Variants in BNC2 observed in about 807,000 individuals in gnomAD.
BNC2 encodes the protein basonuclin zinc finger protein 2, also known as zinc finger protein basonuclin-2.
In BNC2, 20 loss-of-function variants were observed where a neutral mutation model predicts 76.3. The ratio of observed to expected loss-of-function variants is 0.26; its 90% CI spans 0.18 to 0.38. The LOEUF (loss-of-function observed/expected upper bound fraction) is 0.38. Among genes scored for constraint, BNC2 ranks in the 10% least tolerant of loss-of-function variants. BNC2 has a pLI of 1.00. For synonymous variants in BNC2, 582 were observed against 514.8 expected (o/e 1.13, Z -1.77); for missense variants, 1,382 against 1,399.8 (o/e 0.99, Z 0.20).
chr9:16,834,268 TA>T (rs1358591791), intron 1 of BNC2, among the ~76,000 whole-genome samples: 1 of 152,184 alleles, frequency 6.6e-6, no homozygotes, highest in African/African-American at 2.4e-5. Context: ...ACTATACTAA[TA>T]AAAAATTCAG....
At chr9:16,828,434 T>C (rs1246263771) in intron 1 of BNC2, among the ~76,000 whole-genome samples, 3 of 152,230 alleles carry the variant, frequency 2.0e-5, no homozygotes, top group Non-Finnish European at 2.9e-5. Context: ...AAATTAATAC[T>C]GTCTCTTTAA....
chr9:16,547,348 G>T (rs1233833198), intron 5 of BNC2, among the ~76,000 whole-genome samples: 2 of 152,146 alleles, frequency 1.3e-5, no homozygotes, highest in African/African-American at 4.8e-5. Flanking sequence ...AGGAAGCCTG[G>T]AGAAAAAACT....
At chr9:16,538,083 C>G (rs996797693) in intron 5 of BNC2, among the ~76,000 whole-genome samples, 1 of 151,990 alleles carries the variant, frequency 6.6e-6, no homozygotes, top group African/African-American at 2.4e-5. Flanking sequence ...AAATATGAAC[C>G]TTAGCAATCA....
intron 2 of BNC2, among the ~76,000 whole-genome samples, chr9:16,734,699 A>G (rs966363298): frequency 2.6e-5 from 4 of 152,222 alleles, no homozygotes; most frequent in East Asian, 1.9e-4. Flanking sequence ...GTGTTTACAC[A>G]TAAGAACATG....
chr9:16,529,502 T>C (rs1046910916), intron 5 of BNC2, among the ~76,000 whole-genome samples: 5 of 152,292 alleles, frequency 3.3e-5, no homozygotes, highest in Non-Finnish European at 5.9e-5. Context: ...ATTACTTTCA[T>C]AATCAAAAAC....
At chr9:16,646,322 C>G (rs1380099679) in intron 3 of BNC2, among the ~76,000 whole-genome samples, 1 of 152,132 alleles carries the variant, frequency 6.6e-6, no homozygotes, top group South Asian at 2.1e-4. Context: ...TCAAGAGTTG[C>G]TGCAATTTTA....
At chr9:16,581,716 G>A (rs958661076) in intron 4 of BNC2, among the ~76,000 whole-genome samples, 2 of 152,180 alleles carry the variant, frequency 1.3e-5, no homozygotes, top group African/African-American at 4.8e-5. Flanking sequence ...GAAGAGAGAC[G>A]AAATCATTGA....
intron 5 of BNC2, among the ~76,000 whole-genome samples, chr9:16,443,301 T>A (rs568743738): frequency 6.6e-6 from 1 of 152,296 alleles, no homozygotes; most frequent in African/African-American, 2.4e-5. Context: ...GATATGTTTA[T>A]TTTTTCATGT....
intron 1 of BNC2, among the ~76,000 whole-genome samples, chr9:16,791,253 G>A (rs960797414): frequency 6.6e-6 from 1 of 151,954 alleles, no homozygotes; most frequent in Non-Finnish European, 1.5e-5. Flanking sequence ...AGTAGAGACG[G>A]GGTTTCACCA....
At chr9:16,804,892 T>A (rs904188137) in intron 1 of BNC2, among the ~76,000 whole-genome samples, 1 of 151,888 alleles carries the variant, frequency 6.6e-6, no homozygotes, top group Non-Finnish European at 1.5e-5. Flanking sequence ...TGAAACCCCG[T>A]CTCTACTAAA....
chr9:16,846,901 C>T (rs186160325), intron 1 of BNC2, among the ~76,000 whole-genome samples: 11 of 152,248 alleles, frequency 7.2e-5, no homozygotes, highest in Non-Finnish European at 1.5e-4. Flanking sequence ...ATATCTCAGT[C>T]AAAACTGCAA....
At chr9:16,732,113 C>G (rs1824520914) in intron 2 of BNC2, among the ~76,000 whole-genome samples, 1 of 131,280 alleles carries the variant, frequency 7.6e-6, no homozygotes, top group South Asian at 2.3e-4. Flanking sequence ...CTTTTCAGTA[C>G]TTGAGTATTA....
At chr9:16,480,697 C>T (rs1189676792) in intron 5 of BNC2, among the ~76,000 whole-genome samples, 1 of 152,240 alleles carries the variant, frequency 6.6e-6, no homozygotes, top group Non-Finnish European at 1.5e-5. Flanking sequence ...CAGTGCCAGC[C>T]CACTGGCGCT....
intron 1 of BNC2, among the ~76,000 whole-genome samples, chr9:16,865,991 G>A (rs1819534939): frequency 6.6e-6 from 1 of 152,056 alleles, no homozygotes; most frequent in Non-Finnish European, 1.5e-5. Flanking sequence ...CATAATGAGA[G>A]CTACTGTGCA....
intron 1 of BNC2, among the ~76,000 whole-genome samples, chr9:16,747,133 A>G (rs1825033773): frequency 6.6e-6 from 1 of 152,298 alleles, no homozygotes; most frequent in Non-Finnish European, 1.5e-5. Context: ...TACAAGCACA[A>G]CCACTGCTTG....
intron 3 of BNC2, among the ~76,000 whole-genome samples, chr9:16,724,085 C>T (rs1355597805): frequency 1.3e-5 from 2 of 151,940 alleles, no homozygotes; most frequent in African/African-American, 4.8e-5. Flanking sequence ...TGAAAAAAGA[C>T]CTTATTAAGG....
At chr9:16,604,896 A>G (rs941304353) in intron 3 of BNC2, among the ~76,000 whole-genome samples, 2 of 152,224 alleles carry the variant, frequency 1.3e-5, no homozygotes, top group African/African-American at 4.8e-5. Flanking sequence ...TTGTAAAACA[A>G]GACAAAAATA....
At chr9:16,429,083 T>C (rs1820856124) in intron 6 of BNC2, among the ~76,000 whole-genome samples, 1 of 152,218 alleles carries the variant, frequency 6.6e-6, no homozygotes, top group Admixed American at 6.5e-5. Flanking sequence ...TCTTTCCAAT[T>C]CTGCCACATT....
At chr9:16,720,977 G>C (rs555761809) in intron 3 of BNC2, among the ~76,000 whole-genome samples, 3 of 152,262 alleles carry the variant, frequency 2.0e-5, no homozygotes, top group African/African-American at 7.2e-5. Context: ...AAATCTGCGA[G>C]GCTTCCTACA....
Sources: allele counts gnomAD v4.1 joint callset (sites outside exome capture counted in the v4.1 genomes callset), GRCh38; gene constraint gnomAD v4.1.1; transcripts MANE v1.5; gene names NCBI Gene and HGNC (gene_info 2026-07-23, HGNC 2026-07-21).